Variants in APLP2 observed in about 807,000 individuals in gnomAD.
APLP2 encodes CDEI box-binding protein.
Under a neutral mutation model 89.9 loss-of-function variants are expected in APLP2, and 53 were observed. The observed-to-expected ratio is 0.59, with a 90% confidence interval of 0.47 to 0.74. The LOEUF (loss-of-function observed/expected upper bound fraction) is 0.74, where lower values mean the gene tolerates loss of function less well. Among genes scored for constraint, APLP2 ranks in the 30% least tolerant of loss-of-function variants. The pLI, the probability that APLP2 is intolerant of heterozygous loss-of-function variation, is 0.00. For missense variants in APLP2, 973 were observed against 975.9 expected (o/e 1.00, Z 0.04); for synonymous variants, 372 against 348.6 (o/e 1.07, Z -0.75).
chr11:130,100,218 C>G (rs570146760), intron 1 of APLP2: 11 of 152,348 alleles, frequency 7.2e-5, no homozygotes, highest in African/African-American at 2.4e-4. Flanking sequence ...GGAACTCTGT[C>G]ATGGTGTGTC....
Position 130,141,234 on chromosome 11 carries a change from G to A in APLP2, c.1924-264G>A. On this transcript the variant is annotated intron_variant, in intron 14 of 16. Transcript: ENST00000338167. This position sits in a 1 kb window ranked among gnomAD's most constrained non-coding sequence, Gnocchi z 4.2. The stretch of plus-strand genomic sequence containing the variant: ...ACGGGGCTTTTTGGCAGTCTGTTCT[G>A]AGATACGTCTCCACAACGGTTACTT... 2.2e-6 allele frequency: 1 copy of A among 455,664 alleles called. No homozygotes were observed. The highest frequency in any genetic ancestry group is 4.0e-6 in the Non-Finnish European group (1 of 252,332). 28.2% of individuals were successfully genotyped at this position (455,664 alleles called of 1,614,324 possible).
At chr11:130,124,585 C>T (rs1950177517) in intron 7 of APLP2, among the ~76,000 whole-genome samples, 3 of 152,190 alleles carry the variant, frequency 2.0e-5, no homozygotes, top group African/African-American at 7.2e-5. Flanking sequence ...TCAGGCCAGA[C>T]AGTTTTTCTT....
chr11:130,129,119 C>T lies in APLP2; in HGVS notation c.1368C>T (p.His456=), dbSNP rs752274317. ...AGAAGCAGCAGCTGGTGGAGACCCA[C>T]CTGGCCCGAGTGGAAGCTATGCTGA... ...ASEKQQLVET[H]LARVEAMLND... Residue 456 remains histidine (H), a synonymous_variant, in exon 10 of 17, where the codon CAC becomes CAT. Coordinates refer to ENST00000338167, the MANE Select transcript of APLP2 (RefSeq NM_001142276.2). 3 of 1,614,204 alleles carry T rather than the reference C, an allele frequency of 1.9e-6. No homozygotes were observed. Among genetic ancestry groups the T allele is most frequent in the Admixed American group, 1.7e-5 (1 of 60,030 alleles).
At chr11:130,119,523 C>T (rs963087423) in intron 3 of APLP2, among the ~76,000 whole-genome samples, 4 of 152,216 alleles carry the variant, frequency 2.6e-5, no homozygotes, top group African/African-American at 4.8e-5. Context: ...ACTCTTCCAC[C>T]TTCTATAGGC....
At chr11:130,073,999 C>T (rs1327202951) in intron 1 of APLP2, among the ~76,000 whole-genome samples, 1 of 152,142 alleles carries the variant, frequency 6.6e-6, no homozygotes, top group Non-Finnish European at 1.5e-5. Context: ...AAGTTGCATA[C>T]GTCGTCCCCC....
chr11:130,100,330 C>T (rs189694590), intron 1 of APLP2: 1 of 152,206 alleles, frequency 6.6e-6, no homozygotes, highest in Admixed American at 6.5e-5. Context: ...CTCCATACCC[C>T]CTGGAAATAA....
At chr11:130,124,229 T>G (rs546058067) in intron 7 of APLP2, among the ~76,000 whole-genome samples, 1 of 152,284 alleles carries the variant, frequency 6.6e-6, no homozygotes, top group Non-Finnish European at 1.5e-5. Context: ...ATGGGGCGCC[T>G]CCTCTCGAAA....
At position 130,140,430 on chromosome 11, in the gene APLP2, A is replaced by C. The variant is rs549826211; in HGVS notation, c.1870A>C (p.Ile624Leu). ...AGTGGGAGAGCAGGATGGGGGACTG[A>C]TCGGTGCCGAAGAGAAAGTGATTAA... Reference protein sequence around the residue: ...SGVGEQDGGLIGAEEKVINSK... With the variant: ...SGVGEQDGGLLGAEEKVINSK... The change falls in exon 14 of 17, where the codon ATC becomes CTC. Residue 624 changes from isoleucine (I) to leucine (L), a missense_variant. By Grantham distance (5) the Ile-to-Leu change is conservative. Coordinates refer to ENST00000338167, the MANE Select transcript of APLP2 (RefSeq NM_001142276.2). The C allele has an allele frequency of 8.9e-5, 144 of 1,611,566 alleles. 1 individual carries two copies. In the South Asian group the frequency reaches 1.5e-3, roughly 17 times the overall value.
At chr11:130,137,057 A>G (rs1175817593) in intron 13 of APLP2, among the ~76,000 whole-genome samples, 1 of 152,170 alleles carries the variant, frequency 6.6e-6, no homozygotes, top group African/African-American at 2.4e-5. Context: ...CTTATCAAGG[A>G]TACCCTCCAG....
chr11:130,071,204 T>G (rs1941023028), intron 1 of APLP2, among the ~76,000 whole-genome samples: 1 of 146,056 alleles, frequency 6.8e-6, no homozygotes, highest in African/African-American at 2.8e-5. Flanking sequence ...TTGAGAGCTT[T>G]CTTTTAAAGA....
At chr11:130,083,032 T>G (rs1182090427) in intron 1 of APLP2, among the ~76,000 whole-genome samples, 78 of 124,112 alleles carry the variant, frequency 6.3e-4, no homozygotes, top group Non-Finnish European at 4.6e-4. Flanking sequence ...TTTTCTTTTT[T>G]TTTTTTTTTT....
chr11:130,109,312 A>G (rs897201805), intron 1 of APLP2, 117 bp from the exon 2 acceptor site: 4 of 896,122 alleles, frequency 4.5e-6, no homozygotes, highest in Middle Eastern at 3.5e-4. Flanking sequence ...TTGTGAAGAT[A>G]CAAATAGTAA....
At chr11:130,072,272 G>T (rs1216456562) in intron 1 of APLP2, among the ~76,000 whole-genome samples, 1 of 152,104 alleles carries the variant, frequency 6.6e-6, no homozygotes, top group Non-Finnish European at 1.5e-5. Flanking sequence ...CCTGAGAACC[G>T]GAACTTGAGT....
chr11:130,120,243 A>G (rs182307555), intron 3 of APLP2, among the ~76,000 whole-genome samples: 1 of 152,288 alleles, frequency 6.6e-6, no homozygotes, highest in East Asian at 1.9e-4. Context: ...ATCATTGATT[A>G]TTCTTACTGG....
At chr11:130,139,716 A>G (rs867713607) in intron 13 of APLP2, 8 of 152,236 alleles carry the variant, frequency 5.3e-5, no homozygotes, top group African/African-American at 1.9e-4. Flanking sequence ...CCATGCTGAT[A>G]TTAGAATGCT....
In APLP2 at chr11:130,070,077, A is replaced by G; in HGVS notation, c.100A>G (p.Ile34Val). ...TAPALALAGY[I>V]EALAANAGTG... ...GCCTGCCTTGGCGCTGGCCGGCTAC[A>G]TCGAGGTGGGGACCGGGCGAACGCC... The change falls in exon 1 of 17, where the codon ATC becomes GTC. Residue 34 changes from isoleucine (I) to valine (V), a missense_variant. Coordinates refer to ENST00000338167, the MANE Select transcript of APLP2 (RefSeq NM_001142276.2). 2.7e-6 allele frequency: 4 copies of G among 1,471,686 alleles called. No homozygotes were observed. Among genetic ancestry groups the G allele is most frequent in the Non-Finnish European group, 3.6e-6 (4 of 1,119,472 alleles). The allele number at this position is 1,471,686 out of a possible 1,614,324, so 91.2% of individuals were successfully genotyped here.
chr11:130,070,131 G>T, intron 1 of APLP2, 49 bp downstream of exon 1: 2 of 1,236,804 alleles, frequency 1.6e-6, no homozygotes, highest in South Asian at 2.1e-5. Flanking sequence ...CCCGCCGGAG[G>T]AGCGCGGACT....
rs185944640 is a variant in APLP2, at chr11:130,109,481, C to G, written c.158C>G (p.Ala53Gly). 3.2e-5 allele frequency: 52 copies of G among 1,613,674 alleles called. No homozygotes were observed. The Admixed American group carries it at 7.8e-4, about 24-fold the overall frequency. ...TTTGCTGTTGCTGAGCCTCAAATCGCAATGTTTTGTGGGAAGTTAAATATG... is the reference window on the plus strand; with the variant it reads ...TTTGCTGTTGCTGAGCCTCAAATCGGAATGTTTTGTGGGAAGTTAAATATG... ...TGFAVAEPQI[A>G]MFCGKLNMHV... Residue 53 changes from alanine (A) to glycine (G), a missense_variant, in exon 2 of 17, where the codon GCA (alanine) becomes GGA (glycine). Ala to Gly is a moderately conservative substitution (Grantham distance 60, BLOSUM62 0). Transcript: ENST00000338167.
intron 1 of APLP2, among the ~76,000 whole-genome samples, chr11:130,075,711 A>G (rs1942007728): frequency 1.3e-5 from 2 of 152,232 alleles, no homozygotes; most frequent in Admixed American, 6.5e-5. Flanking sequence ...AAAGGGAGTC[A>G]GTAGAGGCCG....
Sources: gnomAD v4.1 joint callset for allele counts (sites outside exome capture counted in the v4.1 genomes callset) on GRCh38, gnomAD v4.1.1 for gene constraint, Gnocchi (gnomAD v3.1) non-coding constraint, MANE v1.5 for transcripts, NCBI Gene and HGNC (gene_info 2026-07-23, HGNC 2026-07-21) for gene names.